Variants in UHRF2 observed in about 807,000 individuals in gnomAD.
UHRF2 encodes the protein ubiquitin like with PHD and ring finger domains 2.
Under a neutral mutation model 96.8 loss-of-function variants are expected in UHRF2, and 23 were observed. The observed-to-expected ratio is 0.24, with a 90% CI of 0.17 to 0.34. The LOEUF (loss-of-function observed/expected upper bound fraction) is 0.34. UHRF2 is among the 10% of genes least tolerant of loss of function. UHRF2 has a pLI of 1.00. For missense variants in UHRF2, 685 were observed against 981.5 expected (o/e 0.70, Z 4.04); for synonymous variants, 385 against 332.6 (o/e 1.16, Z -1.72).
intron 9 of UHRF2, chr9:6,492,968 T>A (rs1221650669): frequency 2.0e-5 from 3 of 151,778 alleles, no homozygotes; most frequent in Non-Finnish European, 4.4e-5. Flanking sequence ...ACCCACAGAA[T>A]GTGAAATAAA....
chr9:6,436,252 CT>C (rs1020078608), intron 3 of UHRF2, among the ~76,000 whole-genome samples: 1 of 152,110 alleles, frequency 6.6e-6, no homozygotes, highest in Non-Finnish European at 1.5e-5. Context: ...TCCCTTTAAT[CT>C]TTACTTTTCT....
At chr9:6,463,022 C>T (rs1822644455) in intron 4 of UHRF2, among the ~76,000 whole-genome samples, 1 of 152,176 alleles carries the variant, frequency 6.6e-6, no homozygotes, top group Non-Finnish European at 1.5e-5. Flanking sequence ...TGGCTCACGC[C>T]TGTAATCCCA....
chr9:6,436,045 A>G (rs1382241833), intron 3 of UHRF2, among the ~76,000 whole-genome samples: 6 of 152,252 alleles, frequency 3.9e-5, no homozygotes, highest in Non-Finnish European at 2.9e-5. Context: ...CAGATTTAGT[A>G]TATTAAACAC....
At chr9:6,466,507 T>C (rs1822865477) in intron 4 of UHRF2, among the ~76,000 whole-genome samples, 1 of 126,176 alleles carries the variant, frequency 7.9e-6, no homozygotes, top group Non-Finnish European at 1.6e-5. Flanking sequence ...GCCACTGTAC[T>C]CCAGCCTGGG....
At chr9:6,494,206 T>G (rs1190806811) in intron 10 of UHRF2, 1 of 309,316 alleles carries the variant, frequency 3.2e-6, no homozygotes, top group Non-Finnish European at 5.9e-6. Context: ...CCTGTGTAAT[T>G]TAAGTGAAAT....
In UHRF2 at chr9:6,434,111, T is replaced by C. The variant is rs777465154; in HGVS notation, c.582T>C (p.Ser194=). 2.5e-6 allele frequency: 4 copies of C among 1,614,146 alleles called. No individual in the cohort carries two copies. Among genetic ancestry groups the C allele is most frequent in the Non-Finnish European group, 3.4e-6 (4 of 1,180,010 alleles). ...ENTNKLDSVP[S]TSNSDCVAAD... ...CAAATAAATTGGACAGTGTACCCTC[T>C]ACGTCTAATTCAGACTGTGTTGCTG... Residue 194 remains serine (S), a synonymous_variant, in exon 3 of 16, where the codon TCT becomes TCC. Coordinates refer to ENST00000276893, the MANE Select transcript of UHRF2 (RefSeq NM_152896.3).
intron 8 of UHRF2, 128 bp from the exon 9 acceptor site, chr9:6,486,693 G>A (rs1014552820): frequency 2.5e-6 from 2 of 793,404 alleles, no homozygotes; most frequent in South Asian, 2.1e-5. Flanking sequence ...AAATGAGAGA[G>A]CAAAAGATAG....
chr9:6,448,491 T>C (rs1821656857), intron 3 of UHRF2, among the ~76,000 whole-genome samples: 1 of 152,242 alleles, frequency 6.6e-6, no homozygotes, highest in South Asian at 2.1e-4. Context: ...TCTGTTTTTA[T>C]TACCGTCCAA....
chr9:6,463,286 A>T (rs985215607), intron 4 of UHRF2, among the ~76,000 whole-genome samples: 5 of 452 alleles, frequency 0.011, no homozygotes, highest in African/African-American at 9.8e-3. Context: ...CGTCTCAATA[A>T]AAAAAAAAAG....
intron 3 of UHRF2, among the ~76,000 whole-genome samples, chr9:6,447,749 A>G (rs1821603924): frequency 6.6e-6 from 1 of 152,210 alleles, no homozygotes; most frequent in African/African-American, 2.4e-5. Flanking sequence ...AGAAAGCAAC[A>G]AAATTTTGGA....
At chr9:6,424,662 A>G (rs1334947864) in intron 2 of UHRF2, among the ~76,000 whole-genome samples, 1 of 151,840 alleles carries the variant, frequency 6.6e-6, no homozygotes, top group African/African-American at 2.4e-5. Context: ...TTAATGACCC[A>G]TATTTTCTTA....
intron 2 of UHRF2, among the ~76,000 whole-genome samples, chr9:6,428,442 A>G (rs764859498): frequency 6.6e-6 from 1 of 150,410 alleles, no homozygotes; most frequent in African/African-American, 2.5e-5. Context: ...ACCTTTAACA[A>G]CCTATTAATA....
chr9:6,461,390 C>CCTCCTTCTCTCCT (rs1736298886), intron 4 of UHRF2, among the ~76,000 whole-genome samples: 2 of 111,052 alleles, frequency 1.8e-5, no homozygotes, highest in African/African-American at 8.0e-5. Context: ...CTTCTCTCCT[C>CCTCCTTCTCTCCT]CCCCCCGCCC....
At chr9:6,484,974 G>A (rs960787153) in intron 8 of UHRF2, among the ~76,000 whole-genome samples, 18 of 151,630 alleles carry the variant, frequency 1.2e-4, no homozygotes, top group Admixed American at 1.1e-3. Context: ...TGTATTTTTA[G>A]TAGAGATGGG....
rs932250179 is a variant in UHRF2, at chr9:6,500,648, G to C, written c.2102G>C (p.Arg701Thr). 1 of 1,613,840 alleles carries C rather than the reference G, an allele frequency of 6.2e-7. No homozygotes were observed. Among genetic ancestry groups the C allele is most frequent in the African/African-American group, 1.3e-5 (1 of 74,930 alleles). Residue 701 changes from arginine to threonine, a missense_variant, in exon 14 of 16, where the codon AGA becomes ACA. Physicochemically the swap from Arg to Thr is moderately conservative, Grantham distance 71 (BLOSUM62 -1). Transcript: ENST00000276893. ...QLTPQQQHLI[R>T]EDCQNQKLWD... The stretch of plus-strand genomic sequence containing the variant: ...ACTCCTCAACAGCAACATCTCATCA[G>C]AGAAGATTGTCAAAACCAGAAGCTG...
At chr9:6,448,956 A>G (rs1195322218) in intron 3 of UHRF2, among the ~76,000 whole-genome samples, 1 of 152,234 alleles carries the variant, frequency 6.6e-6, no homozygotes, top group Non-Finnish European at 1.5e-5. Context: ...ATCGCAGAAC[A>G]AGCAGTATCA....
chr9:6,485,280 A>G (rs1427689073), intron 8 of UHRF2, among the ~76,000 whole-genome samples: 1 of 152,190 alleles, frequency 6.6e-6, no homozygotes, highest in African/African-American at 2.4e-5. Flanking sequence ...AATATAGTAA[A>G]AATACACTTT....
chr9:6,439,357 A>G (rs1004458455), intron 3 of UHRF2, among the ~76,000 whole-genome samples: 1 of 152,176 alleles, frequency 6.6e-6, no homozygotes, highest in African/African-American at 2.4e-5. Context: ...TGTGTTTAGT[A>G]GAGATGGAGT....
intron 12 of UHRF2, chr9:6,499,131 T>C (rs1395593753): frequency 6.6e-6 from 1 of 152,204 alleles, no homozygotes; most frequent in Non-Finnish European, 1.5e-5. Flanking sequence ...TAGGTTATAT[T>C]TGAAACTGTG....
Sources: gnomAD v4.1 joint callset for allele counts (sites outside exome capture counted in the v4.1 genomes callset) on GRCh38, gnomAD v4.1.1 for gene constraint, MANE v1.5 for transcripts, NCBI Gene and HGNC (gene_info 2026-07-23, HGNC 2026-07-21) for gene names.